MED6: variants seen among roughly 807,000 people sequenced by gnomAD.
The protein encoded by MED6 is mediator complex subunit 6, also known as mediator of RNA polymerase II transcription subunit 6.
MED6 carries 33 observed loss-of-function variants against 37.5 expected under a neutral mutation model. The ratio of observed to expected loss-of-function variants is 0.88; its 90% confidence interval spans 0.67 to 1.18. The LOEUF (loss-of-function observed/expected upper bound fraction) is 1.18. Ranked by LOEUF, MED6 falls within the 50% of genes most tolerant of loss-of-function variation. The pLI, the probability that MED6 is intolerant of heterozygous loss-of-function variation, is 0.00. For synonymous variants in MED6, 94 were observed against 93.6 expected (o/e 1.00, Z -0.02); for missense variants, 235 against 290.6 (o/e 0.81, Z 1.39).
Position 70,600,634 on chromosome 14 carries a change from C to G in MED6, c.4G>C (p.Ala2Pro). The G allele has an allele frequency of 1.9e-6, 3 of 1,613,264 alleles. No homozygotes were observed. The highest frequency in any genetic ancestry group is 2.5e-6 in the Non-Finnish European group (3 of 1,179,900). MAAVDIRDNLLG... is the reference protein window; with the variant it reads MPAVDIRDNLLG... ...AGTATACCTCGGATATCCACCGCCG[C>G]CATAATTCCGAGAGCGTTTACAGGT... is the stretch of plus-strand genomic sequence containing the variant. The change falls in exon 1 of 8, where the codon GCG becomes CCG. Residue 2 changes from alanine to proline, a missense_variant. Transcript: ENST00000256379.
chr14:70,592,387 TAA>T (rs372817471), intron 5 of MED6: 1 of 150,376 alleles, frequency 6.6e-6, no homozygotes, highest in South Asian at 2.1e-4. Context: ...ACTGGAGGAA[TAA>T]AGAGTTCCAG....
In MED6 at chr14:70,591,287, T is replaced by G; in HGVS notation, c.561A>C (p.Lys187Asn). The G allele has an allele frequency of 6.2e-7, 1 of 1,611,856 alleles. No homozygotes were observed. The highest frequency in any genetic ancestry group is 8.5e-7 in the Non-Finnish European group (1 of 1,179,274). ...VDALLLDLRQ[K>N]FPPKFVQLKP... is the part of the protein sequence containing the mutation. ...TTACCTGCACAAATTTGGGTGGAAA[T>G]TTTTGTCTGAGGTCTAAAAGTAAAG... Residue 187 changes from lysine to asparagine, a missense_variant, in exon 6 of 8, where the codon AAA becomes AAC. Lys to Asn is a moderately conservative substitution (Grantham distance 94, BLOSUM62 0). Transcript: ENST00000256379.
rs374260653 is a variant in MED6 at position 70,593,792 on chromosome 14, C to G, written c.275-414G>C. On this transcript the variant is annotated intron_variant, in intron 3 of 7. Transcript: ENST00000256379. ...AGATGCCAATACTGTTGTCAGTCAACCTTACTTAAGGGAGTAAGACCTTGG... is the reference window on the plus strand; with the variant it reads ...AGATGCCAATACTGTTGTCAGTCAAGCTTACTTAAGGGAGTAAGACCTTGG... 2.6e-4 allele frequency among the ~76,000 whole-genome samples: 40 copies of G among 152,294 alleles called. 2 individuals are homozygous for G. In the South Asian group the frequency reaches 7.9e-3, roughly 30 times the overall value.
chr14:70,591,068 AAC>A (rs1884854537), intron 6 of MED6, among the ~76,000 whole-genome samples, 196 bp downstream of exon 6: 1 of 152,212 alleles, frequency 6.6e-6, no homozygotes, highest in African/African-American at 2.4e-5. Flanking sequence ...AGAAACACAA[AAC>A]AGTGTTAATT....
chr14:70,586,789 T>C (rs966775655), intron 6 of MED6, among the ~76,000 whole-genome samples: 3 of 152,208 alleles, frequency 2.0e-5, no homozygotes, highest in Admixed American at 6.5e-5. Context: ...TGGGAATCTT[T>C]ACACTTAACA....
In MED6 at chr14:70,597,623, G is replaced by A; in HGVS notation, c.177C>T (p.His59=). The A allele has an allele frequency of 2.1e-6, 3 of 1,461,228 alleles. No homozygotes were observed. The highest frequency in any genetic ancestry group is 2.7e-6 in the Non-Finnish European group (3 of 1,106,174). 90.5% of individuals were successfully genotyped at this position (1,461,228 alleles called of 1,614,324 possible). The change falls in exon 2 of 8, where the codon CAC becomes CAT. Residue 59 remains histidine, a synonymous_variant. Transcript: ENST00000256379. Reference sequence around the variant, plus strand: ...ACCTTCTTAAAATAACTTACTTCAAGTGTTCTAATGTTAGCCTCTGCATTT... The same window carrying A: ...ACCTTCTTAAAATAACTTACTTCAAATGTTCTAATGTTAGCCTCTGCATTT... ...VVKMQRLTLE[H]LNQMVGIEYI... is the part of the protein sequence containing the mutation.
Position 70,583,763 on chromosome 14 carries a change from A to G in MED6, c.*1050T>C, listed in dbSNP as rs149490265. The G allele has an allele frequency of 3.6e-5, 8 of 222,940 alleles. No individual in the cohort carries two copies. The highest frequency in any genetic ancestry group is 6.7e-5 in the African/African-American group (3 of 44,478). 13.8% of individuals were successfully genotyped at this position (222,940 alleles called of 1,614,324 possible). A position where few individuals can be genotyped will look rare whatever the true frequency, so the allele number is the denominator to read the frequency against. ...GGGAAAAGCTTACAACAGATATAAT[A>G]AAGTAAAATTGTACGAAAGGAATGA... On this transcript the variant is annotated 3_prime_UTR_variant, in exon 8 of 8. Coordinates refer to ENST00000256379, the MANE Select transcript of MED6 (RefSeq NM_005466.4).
Position 70,597,745 on chromosome 14 carries a change from A to T in MED6, c.55T>A (p.Ser19Thr). The change falls in exon 2 of 8, where the codon TCT becomes ACT. Residue 19 changes from serine (S) to threonine (T), a missense_variant. Physicochemically the swap from Ser to Thr is moderately conservative, Grantham distance 58 (BLOSUM62 1). Transcript: ENST00000256379. ...CCACTGTTCAAAATAGGGATCCAAG[A>T]GCTGTCAACCCAAGAAATTCCCAGC... ...NLLGISWVDS[S>T]WIPILNSGSV... The T allele has an allele frequency of 6.4e-7, 1 of 1,554,054 alleles. No homozygotes were observed. The highest frequency in any genetic ancestry group is 8.6e-7 in the Non-Finnish European group (1 of 1,162,306).
rs1057070578 is a variant in MED6, at chr14:70,597,666, C to T, written c.134G>A (p.Cys45Tyr). The T allele has an allele frequency of 4.5e-6, 7 of 1,556,782 alleles. No individual in the cohort carries two copies. The highest frequency in any genetic ancestry group is 5.2e-6 in the Non-Finnish European group (6 of 1,158,650). ...ERSNPFYDRT[C>Y]NNEVVKMQRL... ...CTGCATTTTGACCACTTCATTATTA[C>T]ATGTTCTGTCATAAAAAGGATTACT... The change falls in exon 2 of 8, where the codon TGT (cysteine) becomes TAT (tyrosine). Residue 45 changes from cysteine to tyrosine, a missense_variant. Physicochemically the swap from Cys to Tyr is radical, Grantham distance 194. Coordinates refer to ENST00000256379, the MANE Select transcript of MED6 (RefSeq NM_005466.4).
In MED6 at chr14:70,592,883, G is replaced by A. The variant is rs765205371; in HGVS notation, c.463C>T (p.Gln155Ter). The change falls in exon 5 of 8, where the codon CAA becomes TAA. Residue 155 changes from glutamine to a stop codon, truncating the protein, a stop_gained. Transcript: ENST00000256379. LOFTEE classifies it high-confidence loss of function. ...YWWHFKDHEE[Q>*]DKVRPKAKRK... Reference sequence around the variant, plus strand: ...AGGGTATGGATGTTCTACTTACCTTGCTCTTCATGATCTTTGAAGTGCCAC... The same window carrying A: ...AGGGTATGGATGTTCTACTTACCTTACTCTTCATGATCTTTGAAGTGCCAC... 3 of 1,613,460 alleles carry A rather than the reference G, an allele frequency of 1.9e-6. No individual in the cohort carries two copies. The African/African-American group carries it at 4.0e-5, about 22-fold the overall frequency.
At chr14:70,594,957 C>G (rs1047776349) in intron 3 of MED6, 1 of 601,734 alleles carries the variant, frequency 1.7e-6, no homozygotes, top group Non-Finnish European at 3.3e-6. Context: ...TCAAGACCAT[C>G]GAGGACCTGA....
chr14:70,593,147 T>G, intron 4 of MED6, 149 bp downstream of exon 4: 1 of 1,249,406 alleles, frequency 8.0e-7, no homozygotes, highest in Non-Finnish European at 1.1e-6. Flanking sequence ...AGCACCGACT[T>G]GGCTCACAGT....
rs1884922538 is a variant in MED6 at position 70,592,860 on chromosome 14, G to A, written c.466+20C>T. ...AGAGGATCAAAAAGTGTTTTAGGAG[G>A]GTATGGATGTTCTACTTACCTTGCT... On this transcript the variant is annotated intron_variant, in intron 5 of 7. Coordinates refer to ENST00000256379, the MANE Select transcript of MED6 (RefSeq NM_005466.4). The A allele has an allele frequency of 6.2e-7, 1 of 1,612,356 alleles. No individual in the cohort carries two copies. The highest frequency in any genetic ancestry group is 1.7e-5 in the Admixed American group (1 of 59,894).
At chr14:70,595,398 A>G in intron 3 of MED6, 1 of 568,206 alleles carries the variant, frequency 1.8e-6, no homozygotes. Context: ...GCAGTCTGCC[A>G]AGGTTGGGGT....
At chr14:70,585,834 A>G in intron 6 of MED6, 51 bp from the exon 7 acceptor site, 1 of 1,538,070 alleles carries the variant, frequency 6.5e-7, no homozygotes. Flanking sequence ...AAAGAAGAAA[A>G]CAGGTCAACT....
At chr14:70,585,401 G>C (rs1021334842) in intron 7 of MED6, among the ~76,000 whole-genome samples, 5 of 152,088 alleles carry the variant, frequency 3.3e-5, no homozygotes, top group African/African-American at 1.2e-4. Context: ...CCTGCTGACA[G>C]TTCAGCAGCT....
Position 70,584,337 on chromosome 14 carries a change from A to G in MED6, c.*476T>C. 1 of 500,780 alleles carries G rather than the reference A, an allele frequency of 2.0e-6. No homozygotes were observed. Among genetic ancestry groups the G allele is most frequent in the Non-Finnish European group, 3.5e-6 (1 of 282,688 alleles). The allele number at this position is 500,780 out of a possible 1,614,324, so 31.0% of individuals were successfully genotyped here. A position where few individuals can be genotyped will look rare whatever the true frequency, so the allele number is the denominator to read the frequency against. On this transcript the variant is annotated 3_prime_UTR_variant, in exon 8 of 8. Transcript: ENST00000256379. The stretch of plus-strand genomic sequence containing the variant: ...CGGGAGAGGAAAGGTTACAGAAGAC[A>G]TATAACAAATATTCACAAGAAATCA...
chr14:70,584,491 T>C lies in MED6; in HGVS notation c.*322A>G. On this transcript the variant is annotated 3_prime_UTR_variant, in exon 8 of 8. Transcript: ENST00000256379. ...CCCGGGTTCAAGCAAGTCTCCTGTC[T>C]CAGCCTCCCGAGTAGCTGGGACTAT... 3.2e-6 allele frequency: 1 copy of C among 310,902 alleles called. No homozygotes were observed. The highest frequency in any genetic ancestry group is 5.3e-5 in the South Asian group (1 of 18,800). The allele number at this position is 310,902 out of a possible 1,614,324, so 19.3% of individuals were successfully genotyped here.
At chr14:70,592,778 G>T in intron 5 of MED6, 102 bp downstream of exon 5, 2 of 1,332,008 alleles carry the variant, frequency 1.5e-6, no homozygotes, top group East Asian at 4.7e-5. Context: ...ATGAAAAAGT[G>T]AAACACACTT....
Sources: gnomAD v4.1 joint callset for allele counts (sites outside exome capture counted in the v4.1 genomes callset) on GRCh38, gnomAD v4.1.1 for gene constraint, MANE v1.5 for transcripts, NCBI Gene and HGNC (gene_info 2026-07-23, HGNC 2026-07-21) for gene names.